PRH1: variants seen among roughly 807,000 people sequenced by gnomAD.
PRH1 encodes proline rich protein HaeIII subfamily 1.
In PRH1, 7 loss-of-function variants were observed where a neutral mutation model predicts 7.9. The ratio of observed to expected loss-of-function variants is 0.89; its 90% CI spans 0.50 to 1.67. PRH1 has a LOEUF of 1.67. Ranked by LOEUF, PRH1 falls within the 40% of genes most tolerant of loss-of-function variation. The pLI, the probability that PRH1 is intolerant of heterozygous loss-of-function variation, is 0.00. For missense variants in PRH1, 109 were observed against 223.6 expected (o/e 0.49, Z 3.27); for synonymous variants, 45 against 80.8 (o/e 0.56, Z 2.38).
At chr12:10,978,383 A>G (rs1046404760) in intron 1 of PRH1, among the ~76,000 whole-genome samples, 2 of 152,240 alleles carry the variant, frequency 1.3e-5, no homozygotes, top group African/African-American at 4.8e-5. Flanking sequence ...TTCAAACTGG[A>G]TACTTTCCTA....
chr12:10,981,233 G>C (rs564805523), intron 1 of PRH1, among the ~76,000 whole-genome samples: 1 of 152,218 alleles, frequency 6.6e-6, no homozygotes, highest in African/African-American at 2.4e-5. Context: ...CCAGAAAACA[G>C]TCCTCAGAGA....
Position 10,929,464 on chromosome 12 carries a change from A to G in PRH1, c.-59+44191T>C, listed in dbSNP as rs892477428. The G allele has an allele frequency of 4.4e-6, 5 of 1,140,058 alleles. No individual in the cohort carries two copies. In the African/African-American group the frequency reaches 4.6e-5, roughly 11 times the overall value. 70.6% of individuals were successfully genotyped at this position (1,140,058 alleles called of 1,614,324 possible). A position where few individuals can be genotyped will look rare whatever the true frequency, so the allele number is the denominator to read the frequency against. ...ATAGGACTGAAGAGTTCTCATGCCAAGGATCAGAAGACCTGTTGTGCCTTC... is the reference window on the plus strand; with the variant it reads ...ATAGGACTGAAGAGTTCTCATGCCAGGGATCAGAAGACCTGTTGTGCCTTC... On this transcript the variant is annotated intron_variant, in intron 2 of 3. Coordinates refer to the PRH1 transcript ENST00000539853.
At chr12:11,130,974 G>A (rs1285821006) in intron 1 of PRH1, among the ~76,000 whole-genome samples, 1 of 152,236 alleles carries the variant, frequency 6.6e-6, no homozygotes, top group African/African-American at 2.4e-5. Context: ...ACTATCTCCT[G>A]TTCCCCTGGT....
intron 2 of PRH1, among the ~76,000 whole-genome samples, chr12:10,960,521 T>A (rs1331914528): frequency 1.3e-5 from 2 of 152,220 alleles, no homozygotes; most frequent in Non-Finnish European, 2.9e-5. Context: ...TGTTTTTAAA[T>A]CTACACCCTT....
chr12:11,070,574 T>C (rs1234975700), intron 1 of PRH1, among the ~76,000 whole-genome samples: 1 of 152,204 alleles, frequency 6.6e-6, no homozygotes, highest in African/African-American at 2.4e-5. Flanking sequence ...TCCTGCTCTC[T>C]TTTTAATAAA....
At chr12:11,142,357 A>G (rs1054430892) in intron 1 of PRH1, among the ~76,000 whole-genome samples, 1 of 152,222 alleles carries the variant, frequency 6.6e-6, no homozygotes, top group African/African-American at 2.4e-5. Context: ...CCTAAAATAT[A>G]TCTGGAAATG....
At chr12:11,133,724 T>C (rs200095034) in intron 1 of PRH1, 1,311 of 1,529,884 alleles carry the variant, frequency 8.6e-4, no homozygotes, top group Non-Finnish European at 1.1e-3. Flanking sequence ...CATATTTGAA[T>C]GGTACATTGC....
intron 2 of PRH1, among the ~76,000 whole-genome samples, chr12:10,928,345 A>G (rs1389222605): frequency 6.6e-6 from 1 of 152,216 alleles, no homozygotes; most frequent in Non-Finnish European, 1.5e-5. Context: ...CCACTTAGTT[A>G]TTAGTGGTGA....
At chr12:10,977,343 A>C (rs1304810265) in intron 1 of PRH1, among the ~76,000 whole-genome samples, 1 of 152,240 alleles carries the variant, frequency 6.6e-6, no homozygotes, top group African/African-American at 2.4e-5. Context: ...AGATGCAGAA[A>C]AGGCTTTCAA....
At chr12:11,139,271 A>G (rs1946640977) in intron 1 of PRH1, among the ~76,000 whole-genome samples, 2 of 152,190 alleles carry the variant, frequency 1.3e-5, no homozygotes, top group Admixed American at 1.3e-4. Context: ...AAATTATAAC[A>G]TTAACATTGA....
At chr12:11,022,516 A>G (rs772769325) in intron 1 of PRH1, 2 of 1,613,700 alleles carry the variant, frequency 1.2e-6, no homozygotes, top group African/African-American at 2.7e-5. Context: ...AACATTTCCA[A>G]GAACAAATGC....
chr12:11,085,971 T>C (rs1207843407), intron 1 of PRH1, among the ~76,000 whole-genome samples: 19,653 of 71,600 alleles, frequency 0.27, 1,100 homozygotes, highest in Non-Finnish European at 0.36. Context: ...AAGTGAATCC[T>C]AAATTTTCCT....
chr12:10,928,943 T>C (rs1282677687), intron 2 of PRH1, among the ~76,000 whole-genome samples: 1 of 152,110 alleles, frequency 6.6e-6, no homozygotes. Context: ...CCAAACAGAT[T>C]GAAAAACAAA....
At chr12:10,958,235 GA>G (rs912930759) in intron 2 of PRH1, among the ~76,000 whole-genome samples, 5 of 151,930 alleles carry the variant, frequency 3.3e-5, no homozygotes, top group African/African-American at 9.7e-5. Flanking sequence ...GCAGTCATTA[GA>G]AAAAAACAAG....
chr12:11,031,858 T>G (rs1942239860), intron 1 of PRH1, among the ~76,000 whole-genome samples: 1 of 152,206 alleles, frequency 6.6e-6, no homozygotes, highest in African/African-American at 2.4e-5. Context: ...ATAGCTCGCT[T>G]CATCTCTCAA....
intron 2 of PRH1, 131 bp from the exon 3 acceptor site, chr12:10,882,829 C>T (rs1299505586): frequency 6.8e-7 from 1 of 1,474,752 alleles, no homozygotes; most frequent in East Asian, 2.4e-5. Flanking sequence ...CTCCCCCCTT[C>T]CCAAGGCTTC....
intron 1 of PRH1, among the ~76,000 whole-genome samples, chr12:10,979,758 C>A (rs77263618): frequency 6.6e-6 from 1 of 152,084 alleles, no homozygotes; most frequent in Admixed American, 6.6e-5. Flanking sequence ...GCAGAAGTGA[C>A]GACAAGGGAT....
At chr12:11,110,221 T>A (rs767026946) in intron 1 of PRH1, among the ~76,000 whole-genome samples, 1 of 152,114 alleles carries the variant, frequency 6.6e-6, no homozygotes, top group African/African-American at 2.4e-5. Context: ...ATGGGGATAA[T>A]GGAACAAAGT....
chr12:11,153,150 A>G (rs1947150319), intron 1 of PRH1, among the ~76,000 whole-genome samples: 1 of 152,218 alleles, frequency 6.6e-6, no homozygotes, highest in East Asian at 1.9e-4. Context: ...AGGCTGCCAT[A>G]GAACATTTTA....
Sources: gnomAD v4.1 joint callset for allele counts (sites outside exome capture counted in the v4.1 genomes callset) on GRCh38, gnomAD v4.1.1 for gene constraint, MANE v1.5 for transcripts, NCBI Gene and HGNC (gene_info 2026-07-23, HGNC 2026-07-21) for gene names.